Variants in MYCBP2 observed in about 807,000 individuals in gnomAD.
MYCBP2 encodes the protein MYC binding protein 2, also known as E3 ubiquitin-protein ligase MYCBP2.
MYCBP2 carries 120 observed loss-of-function variants against 525.3 expected under a neutral mutation model. The observed-to-expected ratio is 0.23, with a 90% confidence interval of 0.20 to 0.27. The LOEUF is 0.27. Among genes scored for constraint, MYCBP2 ranks in the 10% least tolerant of loss-of-function variants. The probability of loss-of-function intolerance (pLI) is 1.00; values close to 1 mark genes in which losing one functional copy is unlikely to be tolerated. For synonymous variants in MYCBP2, 1,894 were observed against 1,955.8 expected (o/e 0.97, Z 0.83); for missense variants, 4,149 against 5,657.1 (o/e 0.73, Z 8.55).
intron 17 of MYCBP2, among the ~76,000 whole-genome samples, chr13:77,241,299 T>C (rs947814514): frequency 3.3e-5 from 5 of 152,174 alleles, no homozygotes; most frequent in African/African-American, 9.7e-5. Context: ...ATAGCTTTTT[T>C]AGAGGGAAGA....
In MYCBP2 at chr13:77,243,837, C is replaced by G; in HGVS notation, c.2496G>C (p.Val832=). The G allele has an allele frequency of 6.2e-7, 1 of 1,613,554 alleles. No individual in the cohort carries two copies. Among genetic ancestry groups the G allele is most frequent in the Non-Finnish European group, 8.5e-7 (1 of 1,179,820 alleles). The change falls in exon 16 of 83, where the codon GTG becomes GTC. Residue 832 remains valine, a synonymous_variant. Transcript: ENST00000544440. Reference sequence around the variant, plus strand: ...GAAGATCTAAAGGTATCATTTCTTTCACTGCATCAAGAATTCCTCTTTGTC... The same window carrying G: ...GAAGATCTAAAGGTATCATTTCTTTGACTGCATCAAGAATTCCTCTTTGTC... The part of the protein sequence containing the change: ...EARQRGILDA[V]KEMIPLDLLL...
rs1208276597 is a variant in MYCBP2, at chr13:77,257,896, C to A, written c.2018-67G>T. 3 of 1,320,866 alleles carry A rather than the reference C, an allele frequency of 2.3e-6. No individual in the cohort carries two copies. The African/African-American group carries it at 4.5e-5, about 20-fold the overall frequency. 81.8% of individuals were successfully genotyped at this position (1,320,866 alleles called of 1,614,324 possible). A position where few individuals can be genotyped will look rare whatever the true frequency, so the allele number is the denominator to read the frequency against. On this transcript the variant is annotated intron_variant, in intron 13 of 82. Coordinates refer to ENST00000544440, the MANE Select transcript of MYCBP2 (RefSeq NM_015057.5). ...CCTTCTGAGCCTAGTAAAAGAACTA[C>A]CTCAATGCAGAACCGTTTATTTCTG...
At chr13:77,152,543 C>A (rs1472707869) in intron 46 of MYCBP2, among the ~76,000 whole-genome samples, 1 of 152,130 alleles carries the variant, frequency 6.6e-6, no homozygotes, top group East Asian at 1.9e-4. Context: ...CAGCCCTGCC[C>A]CCCTACCCTA....
intron 41 of MYCBP2, among the ~76,000 whole-genome samples, chr13:77,165,959 A>C (rs1301428383): frequency 6.6e-6 from 1 of 152,184 alleles, no homozygotes; most frequent in Non-Finnish European, 1.5e-5. Context: ...ACAATGAAGG[A>C]CTTCAGTCCT....
intron 59 of MYCBP2, among the ~76,000 whole-genome samples, chr13:77,091,530 C>G (rs2045420474): frequency 1.3e-5 from 2 of 152,004 alleles, no homozygotes; most frequent in South Asian, 4.1e-4. Context: ...TACCCTGAGC[C>G]AGGTAATTCC....
chr13:77,100,373 T>C (rs1465340498), intron 55 of MYCBP2: 2 of 152,108 alleles, frequency 1.3e-5, no homozygotes, highest in African/African-American at 4.8e-5. Flanking sequence ...TTCACTGATG[T>C]AATACCAAGA....
rs1935471408 is a variant in MYCBP2 at position 77,168,632 on chromosome 13, G to T, written c.5910C>A (p.Val1970=). The T allele has an allele frequency of 1.9e-6, 3 of 1,614,102 alleles. No individual in the cohort carries two copies. The highest frequency in any genetic ancestry group is 2.5e-6 in the Non-Finnish European group (3 of 1,180,016). The change falls in exon 40 of 83, where the codon GTC becomes GTA. Residue 1970 remains valine, a synonymous_variant. Transcript: ENST00000544440. ...AAAIPKVAVE[V]FGLVQQLLPS... Reference sequence around the variant, plus strand: ...GAAGCAATTGTTGGACAAGGCCAAAGACTTCTACAGCCACCTAGTACACAT... The same window carrying T: ...GAAGCAATTGTTGGACAAGGCCAAATACTTCTACAGCCACCTAGTACACAT...
chr13:77,246,497 AAGGAAAAGAAGGAGAAGGAGGAGAAGG>A (rs1286664791), intron 15 of MYCBP2, among the ~76,000 whole-genome samples: 13 of 151,478 alleles, frequency 8.6e-5, no homozygotes, highest in Non-Finnish European at 1.9e-4. Context: ...AAGAAGGAAG[AAGGAAAAGAAGGAGAAGGAGGAGAAGG>A]AGGAAAAGAA....
chr13:77,120,990 A>AT (rs2050597498), intron 55 of MYCBP2, among the ~76,000 whole-genome samples: 1 of 152,152 alleles, frequency 6.6e-6, no homozygotes, highest in Admixed American at 6.5e-5. Flanking sequence ...TAATAGTTTG[A>AT]TTTTAAATGG....
chr13:77,130,677 T>C (rs2052611665), intron 52 of MYCBP2, among the ~76,000 whole-genome samples: 2 of 152,292 alleles, frequency 1.3e-5, no homozygotes, highest in Middle Eastern at 3.4e-3. Flanking sequence ...AAAATGTCTA[T>C]ACTGGTTCAT....
chr13:77,048,230 G>A (rs1220406981), intron 82 of MYCBP2, among the ~76,000 whole-genome samples: 2 of 152,008 alleles, frequency 1.3e-5, no homozygotes, highest in Non-Finnish European at 2.9e-5. Context: ...GCCCTTCCAC[G>A]ACAGCAAGAA....
At chr13:77,172,058 G>A (rs148069555) in intron 37 of MYCBP2, among the ~76,000 whole-genome samples, 2,634 of 152,048 alleles carry the variant, frequency 0.017, 81 homozygotes, top group African/African-American at 0.057. Context: ...GCACCACCAC[G>A]CCCAGCTAAT....
chr13:77,312,400 A>T (rs1472896096), intron 1 of MYCBP2, among the ~76,000 whole-genome samples: 1 of 152,112 alleles, frequency 6.6e-6, no homozygotes, highest in Non-Finnish European at 1.5e-5. Flanking sequence ...TTGTTTGGTG[A>T]TGTTTGCCAA....
intron 56 of MYCBP2, 121 bp downstream of exon 56, chr13:77,097,249 G>A (rs985655576): frequency 9.3e-5 from 124 of 1,334,458 alleles, no homozygotes; most frequent in Admixed American, 5.9e-4. Flanking sequence ...CTTTAAAAAT[G>A]ACATTCTAAG....
At chr13:77,321,565 C>T (rs2081621618) in intron 1 of MYCBP2, among the ~76,000 whole-genome samples, 2 of 152,218 alleles carry the variant, frequency 1.3e-5, no homozygotes, top group Non-Finnish European at 2.9e-5. Flanking sequence ...CCCATCCTAG[C>T]CAAAGCCTCC....
At chr13:77,240,583 G>A (rs2068669340) in intron 17 of MYCBP2, among the ~76,000 whole-genome samples, 1 of 152,052 alleles carries the variant, frequency 6.6e-6, no homozygotes, top group African/African-American at 2.4e-5. Flanking sequence ...ACTCCAGCCT[G>A]GGCAACAGAG....
At chr13:77,224,306 A>G in intron 20 of MYCBP2, 145 bp downstream of exon 20, 1 of 613,508 alleles carries the variant, frequency 1.6e-6, no homozygotes. Flanking sequence ...CCAATAATTC[A>G]TGGGCCACAC....
chr13:77,242,775 T>C (rs951705178), intron 17 of MYCBP2, among the ~76,000 whole-genome samples: 13 of 152,330 alleles, frequency 8.5e-5, no homozygotes, highest in South Asian at 2.1e-4. Context: ...TAGTTATTGA[T>C]AGTAGGCAGA....
At chr13:77,074,179 A>G (rs1489951797) in intron 68 of MYCBP2, among the ~76,000 whole-genome samples, 1 of 152,154 alleles carries the variant, frequency 6.6e-6, no homozygotes, top group Non-Finnish European at 1.5e-5. Flanking sequence ...ATGGAGCAGA[A>G]TAGAGTCCAG....
Sources: gnomAD v4.1 joint callset for allele counts (sites outside exome capture counted in the v4.1 genomes callset) on GRCh38, gnomAD v4.1.1 for gene constraint, MANE v1.5 for transcripts, NCBI Gene and HGNC (gene_info 2026-07-23, HGNC 2026-07-21) for gene names.